DSE: variants seen among roughly 807,000 people sequenced by gnomAD.
DSE encodes dermatan sulfate epimerase, also known as dermatan-sulfate epimerase.
DSE carries 36 observed loss-of-function variants against 84.4 expected under a neutral mutation model. That is an observed-to-expected ratio of 0.43 (90% CI 0.33 to 0.56). The LOEUF is 0.56. Ranked by LOEUF, DSE falls within the 20% of genes least tolerant of loss-of-function variation. The pLI is 0.06. For missense variants in DSE, 862 were observed against 1,169.6 expected (o/e 0.74, Z 3.84); for synonymous variants, 410 against 430.1 (o/e 0.95, Z 0.58).
At chr6:116,333,810 T>C (rs1777089030) in intron 2 of DSE, among the ~76,000 whole-genome samples, 2 of 152,344 alleles carry the variant, frequency 1.3e-5, no homozygotes, top group East Asian at 1.9e-4. Context: ...TTTAAAAATA[T>C]CACTTTAATT....
At chr6:116,393,967 A>C (rs1266248450) in intron 1 of DSE, among the ~76,000 whole-genome samples, 1 of 152,156 alleles carries the variant, frequency 6.6e-6, no homozygotes, top group East Asian at 1.9e-4. Context: ...TTTTCTTCTC[A>C]GCATATTCTT....
Position 116,279,682 on chromosome 6 carries a change from C to A in DSE, c.-54+20715C>A, listed in dbSNP as rs200419841. 23 of 1,609,576 alleles carry A rather than the reference C, an allele frequency of 1.4e-5. No individual in the cohort carries two copies. In the South Asian group the frequency reaches 2.5e-4, roughly 18 times the overall value. ...CGCGACGGTCTCCGAGCCTCCCTCACCCGGCTCCGCCATCACCTGTGTCGC... is the reference window on the plus strand; with the variant it reads ...CGCGACGGTCTCCGAGCCTCCCTCAACCGGCTCCGCCATCACCTGTGTCGC... On this transcript the variant is annotated intron_variant, in intron 2 of 3. Coordinates refer to the DSE transcript ENST00000430252.
chr6:116,432,069 T>G (rs1384506510), intron 4 of DSE, among the ~76,000 whole-genome samples: 1 of 152,218 alleles, frequency 6.6e-6, no homozygotes, highest in African/African-American at 2.4e-5. Flanking sequence ...TAAGAACCAT[T>G]TTAAGATTTA....
At chr6:116,381,860 G>A (rs1398462989) in intron 1 of DSE, among the ~76,000 whole-genome samples, 2 of 152,148 alleles carry the variant, frequency 1.3e-5, no homozygotes, top group Non-Finnish European at 1.5e-5. Context: ...TCTTACAGTG[G>A]TGGAGGCTAG....
At chr6:116,325,334 A>G (rs62423854) in intron 2 of DSE, among the ~76,000 whole-genome samples, 2,423 of 152,322 alleles carry the variant, frequency 0.016, 20 homozygotes, top group Non-Finnish European at 0.026. Context: ...ACAAGTTGTG[A>G]TGTGCACTCC....
intron 2 of DSE, among the ~76,000 whole-genome samples, chr6:116,326,855 C>T (rs529993033): frequency 1.2e-4 from 19 of 152,298 alleles, no homozygotes; most frequent in African/African-American, 4.3e-4. Flanking sequence ...TTTCTTACTT[C>T]ATTCTAGTAG....
At chr6:116,369,445 G>A (rs1434094457), upstream of DSE, among the ~76,000 whole-genome samples, 1 of 152,058 alleles carries the variant, frequency 6.6e-6, no homozygotes, top group Non-Finnish European at 1.5e-5. Context: ...ATATGGTGTA[G>A]TAAACTCTCA....
chr6:116,278,891 G>A, intron 2 of DSE: 1 of 1,614,156 alleles, frequency 6.2e-7, no homozygotes, highest in Non-Finnish European at 8.5e-7. Flanking sequence ...GTTCTAGGGT[G>A]TCTGAGTTCC....
At chr6:116,281,812 G>C (rs1354967509) in intron 2 of DSE, among the ~76,000 whole-genome samples, 1 of 152,228 alleles carries the variant, frequency 6.6e-6, no homozygotes, top group Non-Finnish European at 1.5e-5. Flanking sequence ...CGGAAGAGAA[G>C]TAAGGGGCAT....
At chr6:116,338,177 CTT>C in intron 2 of DSE, among the ~76,000 whole-genome samples, 1 of 132,414 alleles carries the variant, frequency 7.6e-6, no homozygotes, top group Non-Finnish European at 1.5e-5. Context: ...GTCTCTTTCT[CTT>C]TCTTTCTTTC....
intron 1 of DSE, among the ~76,000 whole-genome samples, chr6:116,375,875 G>T (rs1382613467): frequency 6.6e-6 from 1 of 152,012 alleles, no homozygotes; most frequent in Non-Finnish European, 1.5e-5. Flanking sequence ...TATAGAGCTA[G>T]TGTCTTACCC....
chr6:116,402,662 G>A (rs1781670021), intron 2 of DSE, among the ~76,000 whole-genome samples: 1 of 152,038 alleles, frequency 6.6e-6, no homozygotes, highest in Non-Finnish European at 1.5e-5. Context: ...TATCCATTTA[G>A]GATTTTACTA....
rs10485183 is a variant in DSE at position 116,399,324 on chromosome 6, C to T, written c.74C>T (p.Thr25Ile). The T allele has an allele frequency of 0.29, 461,954 of 1,613,834 alleles. 71,873 individuals carry two copies. Among genetic ancestry groups the T allele is most frequent in the Non-Finnish European group, 0.33 (385,224 of 1,179,950 alleles). The change falls in exon 2 of 6, where the codon ACC becomes ATC. Residue 25 changes from threonine to isoleucine, a missense_variant. Physicochemically the swap from Thr to Ile is moderately conservative, Grantham distance 89. Transcript: ENST00000644252. ...YLLCFVSAYITDENPEVMIPF... is the reference protein window; with the variant it reads ...YLLCFVSAYIIDENPEVMIPF... Reference sequence around the variant, plus strand: ...CTTTGCTTTGTGTCAGCCTACATCACCGACGAGAACCCAGAAGTTATGATT... The same window carrying T: ...CTTTGCTTTGTGTCAGCCTACATCATCGACGAGAACCCAGAAGTTATGATT...
chr6:116,418,743 C>T (rs1782886150), intron 2 of DSE, among the ~76,000 whole-genome samples: 2 of 152,120 alleles, frequency 1.3e-5, no homozygotes, highest in Admixed American at 1.3e-4. Context: ...TTGAAAGCGC[C>T]GTTCTTCCCC....
intron 2 of DSE, among the ~76,000 whole-genome samples, chr6:116,282,624 G>C (rs576939934): frequency 2.7e-4 from 41 of 151,812 alleles, no homozygotes; most frequent in African/African-American, 1.0e-3. Context: ...TGAATATATA[G>C]AGAACGTGAT....
rs982066714 is a variant in DSE at position 116,259,177 on chromosome 6, G to C, written c.-54+210G>C. The C allele has an allele frequency of 6.3e-5, 47 of 740,436 alleles. 1 individual carries two copies. Among genetic ancestry groups the C allele is most frequent in the Non-Finnish European group, 4.3e-5 (19 of 438,314 alleles). The allele number at this position is 740,436 out of a possible 1,614,324, so 45.9% of individuals were successfully genotyped here. ...GTAGACCATGCGCCACCCTGGCACA[G>C]ACAGGAAGAGCAAACTTACTTGTAA... On this transcript the variant is annotated intron_variant, in intron 2 of 3. Transcript: ENST00000430252.
chr6:116,286,389 A>G (rs182770601), intron 2 of DSE, among the ~76,000 whole-genome samples: 4 of 152,264 alleles, frequency 2.6e-5, no homozygotes, highest in African/African-American at 9.6e-5. Flanking sequence ...ATCCACAAGC[A>G]TATTAATATA....
chr6:116,362,053 G>A (rs140617899), intron 2 of DSE, among the ~76,000 whole-genome samples: 1 of 152,332 alleles, frequency 6.6e-6, no homozygotes, highest in East Asian at 1.9e-4. Context: ...TTCTGCACCA[G>A]TGGTTCTCAG....
intron 5 of DSE, among the ~76,000 whole-genome samples, chr6:116,435,247 A>G (rs983507106): frequency 2.6e-5 from 4 of 152,226 alleles, no homozygotes; most frequent in Admixed American, 2.6e-4. Flanking sequence ...CCCCTCAACC[A>G]GAAATTTGGA....
Sources: gnomAD v4.1 joint callset for allele counts (sites outside exome capture counted in the v4.1 genomes callset) on GRCh38, gnomAD v4.1.1 for gene constraint, MANE v1.5 for transcripts, NCBI Gene and HGNC (gene_info 2026-07-23, HGNC 2026-07-21) for gene names.